ADAMTS17: variants seen among roughly 807,000 people sequenced by gnomAD.
ADAMTS17 encodes the protein A disintegrin and metalloproteinase with thrombospondin motifs 17.
A neutral mutation model predicts 141.5 loss-of-function variants in ADAMTS17; 113 were observed. That is an observed-to-expected ratio of 0.80 (90% CI 0.69 to 0.93). ADAMTS17 has a LOEUF of 0.93. Ranked by LOEUF, ADAMTS17 falls within the 40% of genes least tolerant of loss-of-function variation. The pLI, the probability that ADAMTS17 is intolerant of heterozygous loss-of-function variation, is 0.00. For synonymous variants in ADAMTS17, 768 were observed against 630.6 expected, an observed-to-expected ratio of 1.22 and a Z score of -3.27; for missense variants, 1,659 against 1,517.9, an observed-to-expected ratio of 1.09 and a Z score of -1.54.
rs973542225 is a variant in ADAMTS17 at position 99,982,324 on chromosome 15, C to A, written c.2950-6102G>T. Among the ~76,000 whole-genome samples, 6 of 152,228 alleles carry A rather than the reference C, an allele frequency of 3.9e-5. 1 individual carries two copies. Among genetic ancestry groups the A allele is most frequent in the Non-Finnish European group, 5.9e-5 (4 of 68,044 alleles). Reference sequence around the variant, plus strand: ...CTTGGGCTGCCCTTCGGTCACCAGGCCCTCCACAGGCAGGTGCACACAGCC... The same window carrying A: ...CTTGGGCTGCCCTTCGGTCACCAGGACCTCCACAGGCAGGTGCACACAGCC... On this transcript the variant is annotated intron_variant, in intron 20 of 21. Transcript: ENST00000268070.
chr15:100,155,080 G>A, intron 9 of ADAMTS17, 100 bp downstream of exon 9: 1 of 1,571,902 alleles, frequency 6.4e-7, no homozygotes, highest in Non-Finnish European at 8.7e-7. Context: ...TCCCAAAAGA[G>A]AGTCATTTCT....
At chr15:100,025,973 T>G (rs1378340961) in intron 18 of ADAMTS17, among the ~76,000 whole-genome samples, 2 of 152,190 alleles carry the variant, frequency 1.3e-5, no homozygotes, top group Non-Finnish European at 2.9e-5. Context: ...ATTATAAGTA[T>G]ACAGCTTGAT....
intron 3 of ADAMTS17, among the ~76,000 whole-genome samples, chr15:100,328,830 C>T (rs1314146748): frequency 6.6e-6 from 1 of 152,112 alleles, no homozygotes; most frequent in Non-Finnish European, 1.5e-5. Flanking sequence ...GAGTTCTGAC[C>T]ATGGACTAGA....
At chr15:100,330,788 A>G (rs1473950294) in intron 3 of ADAMTS17, 101 bp downstream of exon 3, 2 of 1,440,894 alleles carry the variant, frequency 1.4e-6, no homozygotes, top group Non-Finnish European at 1.9e-6. Context: ...ATATAGGGGA[A>G]GGTAAGTTCT....
intron 3 of ADAMTS17, among the ~76,000 whole-genome samples, chr15:100,304,885 A>G (rs1215487391): frequency 6.6e-6 from 1 of 152,238 alleles, no homozygotes; most frequent in Non-Finnish European, 1.5e-5. Flanking sequence ...GAAGATGACA[A>G]GGATGAAGAT....
chr15:100,155,073 C>T (rs2039367624), intron 9 of ADAMTS17, 107 bp downstream of exon 9: 1 of 1,563,438 alleles, frequency 6.4e-7, no homozygotes, highest in Non-Finnish European at 8.8e-7. Flanking sequence ...ATGCAAATCC[C>T]AAAAGAGAGT....
intron 2 of ADAMTS17, among the ~76,000 whole-genome samples, chr15:100,334,484 G>C (rs1328077225): frequency 6.6e-6 from 1 of 152,140 alleles, no homozygotes; most frequent in Non-Finnish European, 1.5e-5. Context: ...TTCCTGTAGG[G>C]ACCAACCAGC....
chr15:100,321,766 A>G (rs753577798), intron 3 of ADAMTS17, among the ~76,000 whole-genome samples: 9 of 152,226 alleles, frequency 5.9e-5, no homozygotes, highest in African/African-American at 1.2e-4. Flanking sequence ...GATTTTTAAT[A>G]TATCTCTAAA....
chr15:100,085,494 AC>A (rs1485969765), intron 15 of ADAMTS17, among the ~76,000 whole-genome samples: 1 of 151,672 alleles, frequency 6.6e-6, no homozygotes, highest in African/African-American at 2.4e-5. Flanking sequence ...TATAGAGAAC[AC>A]CACAAAGATA....
intron 7 of ADAMTS17, among the ~76,000 whole-genome samples, chr15:100,233,780 G>A (rs1171089544): frequency 6.6e-6 from 1 of 151,882 alleles, no homozygotes; most frequent in Non-Finnish European, 1.5e-5. Flanking sequence ...AGAGTGTGCC[G>A]GGCCCAGGAA....
chr15:100,330,815 G>A, intron 3 of ADAMTS17, 74 bp downstream of exon 3: 2 of 1,576,148 alleles, frequency 1.3e-6, no homozygotes, highest in South Asian at 2.3e-5. Flanking sequence ...TGTGGCTTCA[G>A]TGCACTTGGA....
chr15:100,133,811 C>T (rs2038182999), intron 10 of ADAMTS17, among the ~76,000 whole-genome samples: 1 of 152,232 alleles, frequency 6.6e-6, no homozygotes, highest in Non-Finnish European at 1.5e-5. Flanking sequence ...CCCAAAGGGC[C>T]ATGAAGGACT....
intron 18 of ADAMTS17, among the ~76,000 whole-genome samples, chr15:100,045,660 T>C (rs1314387442): frequency 6.6e-6 from 1 of 152,186 alleles, no homozygotes; most frequent in African/African-American, 2.4e-5. Context: ...TCTGGAGTTT[T>C]TCCTTCTCAG....
At chr15:100,088,104 C>G (rs950167379) in intron 15 of ADAMTS17, among the ~76,000 whole-genome samples, 1 of 152,158 alleles carries the variant, frequency 6.6e-6, no homozygotes, top group Non-Finnish European at 1.5e-5. Context: ...CATCTCAGCC[C>G]AAAATCTCCT....
rs534099977 is a variant in ADAMTS17 at position 100,340,517 on chromosome 15, G to A, written c.450+522C>T. On this transcript the variant is annotated intron_variant, in intron 2 of 21. Transcript: ENST00000268070. ...TCAGCTAGGAAGAGTGGGGTGAGCC[G>A]TGGCCTGTCTGGGTACCTCTCCAAA... 1.5e-4 allele frequency among the ~76,000 whole-genome samples: 23 copies of A among 152,278 alleles called. No individual in the cohort carries two copies. The South Asian group carries it at 3.3e-3, about 22-fold the overall frequency.
chr15:100,219,429 T>C (rs1406545712), intron 7 of ADAMTS17, among the ~76,000 whole-genome samples: 1 of 152,226 alleles, frequency 6.6e-6, no homozygotes. Flanking sequence ...TGTTTTTTCC[T>C]ACTTATAAGA....
chr15:100,134,398 G>A (rs1004941229), intron 10 of ADAMTS17, among the ~76,000 whole-genome samples: 10 of 152,216 alleles, frequency 6.6e-5, no homozygotes, highest in African/African-American at 2.4e-4. Context: ...AAGATCTTGT[G>A]AAGACGCAGT....
chr15:100,053,998 C>G lies in ADAMTS17; in HGVS notation c.2194G>C (p.Gly732Arg), dbSNP rs962745047. The G allele has an allele frequency of 1.2e-6, 2 of 1,614,146 alleles. No homozygotes were observed. Among genetic ancestry groups the G allele is most frequent in the East Asian group, 2.2e-5 (1 of 44,878 alleles). ...INSDWKIELP[G>R]EFQIAGTTVR... ...GTTGTGCCTGCAATCTGGAACTCTC[C>G]GGGGAGCTCTATCTTCCAGTCACTG... is the stretch of plus-strand genomic sequence containing the variant. Residue 732 changes from glycine to arginine, a missense_variant, in exon 16 of 22, where the codon GGA becomes CGA. Gly to Arg is a moderately radical substitution (Grantham distance 125). Coordinates refer to ENST00000268070, the MANE Select transcript of ADAMTS17 (RefSeq NM_139057.4).
chr15:100,292,984 G>T (rs979734805), intron 3 of ADAMTS17, among the ~76,000 whole-genome samples: 1 of 152,212 alleles, frequency 6.6e-6, no homozygotes, highest in Admixed American at 6.5e-5. Context: ...AGGCAGTATT[G>T]TCGACATCAT....
Sources: gnomAD v4.1 joint callset for allele counts (sites outside exome capture counted in the v4.1 genomes callset) on GRCh38, gnomAD v4.1.1 for gene constraint, MANE v1.5 for transcripts, NCBI Gene and HGNC (gene_info 2026-07-23, HGNC 2026-07-21) for gene names.